The following NALF1 variants were observed in gnomAD, a reference collection of about 807,000 sequenced individuals.
NALF1 encodes the protein NALCN channel auxiliary factor 1, also known as family with sequence similarity 155 member A.
In NALF1, 3 loss-of-function variants were observed where a neutral mutation model predicts 48.4. The observed-to-expected ratio is 0.06, with a 90% CI of 0.03 to 0.16. The LOEUF (loss-of-function observed/expected upper bound fraction) is 0.16. Among genes scored for constraint, NALF1 ranks in the 10% least tolerant of loss-of-function variants. The pLI is 1.00. For synonymous variants in NALF1, 262 were observed against 245.7 expected, an observed-to-expected ratio of 1.07 and a Z score of -0.62; for missense variants, 526 against 571.5, an observed-to-expected ratio of 0.92 and a Z score of 0.81.
intron 1 of NALF1, among the ~76,000 whole-genome samples, chr13:107,809,353 CCT>C (rs1878915372): frequency 6.6e-6 from 1 of 152,048 alleles, no homozygotes; most frequent in Non-Finnish European, 1.5e-5. Context: ...TGTTCCTACC[CCT>C]CTTAGTGCCT....
chr13:107,630,071 T>A (rs1879791109), intron 1 of NALF1, among the ~76,000 whole-genome samples: 1 of 152,198 alleles, frequency 6.6e-6, no homozygotes, highest in Non-Finnish European at 1.5e-5. Context: ...GATCAACCCA[T>A]TTATGCCAGG....
chr13:107,713,423 T>C lies in NALF1; in HGVS notation c.915+152259A>G, dbSNP rs144854673. Among the ~76,000 whole-genome samples, 276 of 152,328 alleles carry C rather than the reference T, an allele frequency of 1.8e-3. 1 individual carries two copies. Among genetic ancestry groups the C allele is most frequent in the Non-Finnish European group, 3.6e-3 (245 of 68,024 alleles). The stretch of plus-strand genomic sequence containing the variant: ...TGATATGGCTCATATTTCTGGCTTG[T>C]GTACTACATGCCAGGTGCTGTGCCA... On this transcript the variant is annotated intron_variant, in intron 1 of 2. Transcript: ENST00000375915.
intron 1 of NALF1, among the ~76,000 whole-genome samples, chr13:107,552,414 A>G (rs758118872): frequency 6.6e-6 from 1 of 152,198 alleles, no homozygotes; most frequent in Non-Finnish European, 1.5e-5. Flanking sequence ...GCATTAGCAA[A>G]TTAGATAATA....
At chr13:107,236,758 A>G (rs1367731190) in intron 1 of NALF1, among the ~76,000 whole-genome samples, 3 of 151,540 alleles carry the variant, frequency 2.0e-5, no homozygotes, top group African/African-American at 7.3e-5. Flanking sequence ...ATCCCTCCAT[A>G]TCTGTGAATT....
intron 1 of NALF1, among the ~76,000 whole-genome samples, chr13:107,277,908 C>T (rs1004040103): frequency 9.2e-5 from 14 of 152,196 alleles, no homozygotes; most frequent in Non-Finnish European, 2.1e-4. Context: ...CCTGCGTTCT[C>T]CCACAAATCC....
At chr13:107,515,831 G>T (rs1876034435) in intron 1 of NALF1, among the ~76,000 whole-genome samples, 1 of 152,156 alleles carries the variant, frequency 6.6e-6, no homozygotes, top group Non-Finnish European at 1.5e-5. Context: ...ATTTCGGGAA[G>T]AAAGAATAAT....
intron 1 of NALF1, among the ~76,000 whole-genome samples, chr13:107,428,509 T>C (rs1884319906): frequency 1.3e-5 from 2 of 152,188 alleles, no homozygotes; most frequent in African/African-American, 4.8e-5. Flanking sequence ...GTATTATTTG[T>C]AGGTTCTCCT....
At chr13:107,437,301 T>C (rs575622368) in intron 1 of NALF1, among the ~76,000 whole-genome samples, 6 of 152,272 alleles carry the variant, frequency 3.9e-5, no homozygotes, top group South Asian at 2.1e-4. Flanking sequence ...TAGGGTAAAA[T>C]AGTCCGATCA....
chr13:107,451,988 T>C (rs1297699473), intron 1 of NALF1, among the ~76,000 whole-genome samples: 1 of 152,192 alleles, frequency 6.6e-6, no homozygotes, highest in East Asian at 1.9e-4. Context: ...CATACTGATT[T>C]TTTTTCTCTC....
chr13:107,416,593 T>C (rs569642440), intron 1 of NALF1, among the ~76,000 whole-genome samples: 39 of 152,188 alleles, frequency 2.6e-4, no homozygotes, highest in African/African-American at 9.4e-4. Flanking sequence ...TGCAAGATAC[T>C]GCATATAATA....
chr13:107,810,611 T>C (rs1878958958), intron 1 of NALF1, among the ~76,000 whole-genome samples: 3 of 152,148 alleles, frequency 2.0e-5, no homozygotes. Context: ...ACATTATTTT[T>C]CAAAAAATCT....
intron 1 of NALF1, among the ~76,000 whole-genome samples, chr13:107,714,880 C>T (rs2138522320): frequency 6.6e-6 from 1 of 152,208 alleles, no homozygotes; most frequent in East Asian, 1.9e-4. Flanking sequence ...CCAGGTTATA[C>T]CATAAACAGT....
At chr13:107,653,407 G>T (rs1880495241) in intron 1 of NALF1, among the ~76,000 whole-genome samples, 1 of 151,842 alleles carries the variant, frequency 6.6e-6, no homozygotes, top group Non-Finnish European at 1.5e-5. Context: ...TTACACTGAG[G>T]AATCATTTAT....
chr13:107,351,766 C>A (rs778830010), intron 1 of NALF1, among the ~76,000 whole-genome samples: 2 of 152,134 alleles, frequency 1.3e-5, no homozygotes, highest in Non-Finnish European at 2.9e-5. Context: ...TCTCTAGTGT[C>A]TTTTTTTAGG....
At chr13:107,251,366 G>C (rs1169615226) in intron 1 of NALF1, among the ~76,000 whole-genome samples, 3 of 152,170 alleles carry the variant, frequency 2.0e-5, no homozygotes, top group African/African-American at 7.2e-5. Context: ...CACAGACTTA[G>C]CAGAATTTTA....
chr13:107,729,774 C>CTTT (rs1876257008), intron 1 of NALF1, among the ~76,000 whole-genome samples: 3 of 152,130 alleles, frequency 2.0e-5, no homozygotes, highest in Non-Finnish European at 4.4e-5. Flanking sequence ...CCACTGCACC[C>CTTT]GACCCTTTGA....
chr13:107,435,539 A>C (rs1383516451), intron 1 of NALF1, among the ~76,000 whole-genome samples: 1 of 152,160 alleles, frequency 6.6e-6, no homozygotes, highest in African/African-American at 2.4e-5. Flanking sequence ...ATTACATTTT[A>C]ACTTGCTGAC....
At chr13:107,801,148 C>T (rs1357834557) in intron 1 of NALF1, among the ~76,000 whole-genome samples, 1 of 152,068 alleles carries the variant, frequency 6.6e-6, no homozygotes, top group Non-Finnish European at 1.5e-5. Flanking sequence ...CATCACATAG[C>T]GTAGCATTAA....
intron 2 of NALF1, among the ~76,000 whole-genome samples, chr13:107,203,862 A>C (rs760307947): frequency 2.0e-5 from 3 of 152,138 alleles, no homozygotes. Flanking sequence ...ACTACGTTAG[A>C]ATTTTCCCCA....
Sources: gnomAD v4.1 joint callset for allele counts (sites outside exome capture counted in the v4.1 genomes callset) on GRCh38, gnomAD v4.1.1 for gene constraint, MANE v1.5 for transcripts, NCBI Gene and HGNC (gene_info 2026-07-23, HGNC 2026-07-21) for gene names.